Variants in VWA8 observed in about 807,000 individuals in gnomAD.
VWA8 encodes von Willebrand factor A domain-containing protein 8.
VWA8 carries 221 observed loss-of-function variants against 241.5 expected under a neutral mutation model. The observed-to-expected ratio is 0.91, with a 90% CI of 0.82 to 1.02. The LOEUF (loss-of-function observed/expected upper bound fraction) is 1.02. Among genes scored for constraint, VWA8 ranks in the 50% least tolerant of loss-of-function variants. The probability of loss-of-function intolerance (pLI) is 0.00; values close to 1 mark genes in which losing one functional copy is unlikely to be tolerated. For missense variants in VWA8, 2,322 were observed against 2,328.7 expected, an observed-to-expected ratio of 1.00 and a Z score of 0.06; for synonymous variants, 852 against 827.1, an observed-to-expected ratio of 1.03 and a Z score of -0.52.
chr13:41,907,709 G>A lies in VWA8; in HGVS notation c.373-13C>T. 6.2e-7 allele frequency: 1 copy of A among 1,604,364 alleles called. No individual in the cohort carries two copies. ...GTTTGGTCAGCTCCTGTAGAGAAGA[G>A]AATGAAATTATTCCAAAAATAAAAT... On this transcript the variant is annotated splice_polypyrimidine_tract_variant and intron_variant, in intron 3 of 44. Transcript: ENST00000379310.
At chr13:41,620,637 T>C (rs1306911812) in intron 37 of VWA8, among the ~76,000 whole-genome samples, 2 of 152,216 alleles carry the variant, frequency 1.3e-5, no homozygotes, top group African/African-American at 4.8e-5. Flanking sequence ...ACACACTGCT[T>C]TAAATGAAAG....
intron 41 of VWA8, among the ~76,000 whole-genome samples, chr13:41,589,116 A>G (rs2044438332): frequency 6.6e-6 from 1 of 152,106 alleles, no homozygotes; most frequent in Non-Finnish European, 1.5e-5. Flanking sequence ...CTGCACCCCC[A>G]GCTCTCAGTG....
In VWA8 at chr13:41,729,562, T is replaced by C. The variant is rs1322464768; in HGVS notation, c.2618A>G (p.Asp873Gly). 1.2e-6 allele frequency: 2 copies of C among 1,612,066 alleles called. No individual in the cohort carries two copies. The highest frequency in any genetic ancestry group is 1.7e-5 in the Admixed American group (1 of 59,762). The stretch of plus-strand genomic sequence containing the variant: ...CTCACTTGCAACAATGCGTCTTCCA[T>C]CTGCTAGAATCATTTCTCCATTTTC... ...LVENGEMILA[D>G]GRRIVANSAN... is the part of the protein sequence containing the mutation. Residue 873 changes from aspartate (D) to glycine (G), a missense_variant, in exon 23 of 45, where the codon GAT becomes GGT. Asp to Gly is a moderately conservative substitution (Grantham distance 94). Transcript: ENST00000379310.
intron 2 of VWA8, among the ~76,000 whole-genome samples, chr13:41,924,327 T>G (rs1876720180): frequency 6.9e-6 from 1 of 144,770 alleles, no homozygotes; most frequent in South Asian, 2.1e-4. Context: ...TATCTGAACT[T>G]GAAGATAGCT....
chr13:41,931,891 G>C (rs1877141009), intron 2 of VWA8, among the ~76,000 whole-genome samples: 1 of 152,052 alleles, frequency 6.6e-6, no homozygotes, highest in African/African-American at 2.4e-5. Context: ...AATGGCTTCA[G>C]CTTCTGCCTT....
intron 14 of VWA8, among the ~76,000 whole-genome samples, chr13:41,821,417 T>C (rs952561755): frequency 6.6e-6 from 1 of 152,130 alleles, no homozygotes; most frequent in Non-Finnish European, 1.5e-5. Flanking sequence ...TACATACAAA[T>C]AGGTTACATG....
intron 35 of VWA8, among the ~76,000 whole-genome samples, chr13:41,676,510 A>C (rs1214710183): frequency 6.6e-6 from 1 of 152,218 alleles, no homozygotes; most frequent in Non-Finnish European, 1.5e-5. Context: ...TCATGTGTTC[A>C]TAACTGTTAT....
intron 44 of VWA8, among the ~76,000 whole-genome samples, chr13:41,569,810 C>A (rs1354920571): frequency 6.6e-6 from 1 of 152,078 alleles, no homozygotes; most frequent in African/African-American, 2.4e-5. Context: ...TCAGATCATA[C>A]CCACTGGTAT....
chr13:41,758,394 G>GGATA (rs2045711445), intron 21 of VWA8, among the ~76,000 whole-genome samples: 1 of 4,754 alleles, frequency 2.1e-4, no homozygotes, highest in Admixed American at 2.7e-3. Flanking sequence ...ATATATATAC[G>GGATA]CTAGTATATA....
chr13:41,932,637 G>A (rs920463752), intron 2 of VWA8, among the ~76,000 whole-genome samples: 1 of 151,692 alleles, frequency 6.6e-6, no homozygotes, highest in Admixed American at 6.6e-5. Flanking sequence ...GGAATGAGAA[G>A]TTGAAAAGTT....
intron 4 of VWA8, chr13:41,905,162 A>G (rs1875648407): frequency 6.6e-6 from 1 of 152,102 alleles, no homozygotes; most frequent in African/African-American, 2.4e-5. Context: ...AATGATACAA[A>G]GAAGATTAGC....
intron 21 of VWA8, among the ~76,000 whole-genome samples, chr13:41,737,272 A>T (rs1029597722): frequency 1.3e-5 from 2 of 152,254 alleles, no homozygotes; most frequent in East Asian, 3.8e-4. Context: ...AGTTCTTGGT[A>T]TCAAGAACAT....
intron 37 of VWA8, among the ~76,000 whole-genome samples, chr13:41,631,441 T>C (rs1174899825): frequency 1.3e-5 from 2 of 152,084 alleles, no homozygotes; most frequent in Non-Finnish European, 2.9e-5. Context: ...TCAGTTAGTT[T>C]CAGGCCGAGC....
chr13:41,722,111 C>T (rs2045397584), intron 24 of VWA8, among the ~76,000 whole-genome samples: 1 of 152,054 alleles, frequency 6.6e-6, no homozygotes, highest in Non-Finnish European at 1.5e-5. Context: ...CATATAAATG[C>T]TTCTTTATGT....
chr13:41,873,959 A>G (rs1195444941), intron 9 of VWA8, among the ~76,000 whole-genome samples: 4 of 152,232 alleles, frequency 2.6e-5, no homozygotes, highest in South Asian at 4.1e-4. Flanking sequence ...AACCAAATCC[A>G]GCAGCATATC....
intron 35 of VWA8, among the ~76,000 whole-genome samples, chr13:41,681,072 C>T (rs1435958147): frequency 6.6e-6 from 1 of 152,198 alleles, no homozygotes; most frequent in Non-Finnish European, 1.5e-5. Context: ...GAATCCCTAA[C>T]CCTTGATATC....
At chr13:41,860,472 A>C (rs1397277904) in intron 12 of VWA8, among the ~76,000 whole-genome samples, 1 of 152,190 alleles carries the variant, frequency 6.6e-6, no homozygotes, top group African/African-American at 2.4e-5. Context: ...TCTGTGACAG[A>C]AACTAGAAGA....
intron 2 of VWA8, among the ~76,000 whole-genome samples, chr13:41,915,266 C>T (rs1204676371): frequency 6.6e-6 from 1 of 152,176 alleles, no homozygotes; most frequent in South Asian, 2.1e-4. Flanking sequence ...GCATGATGCA[C>T]ATGTACTGAG....
intron 17 of VWA8, among the ~76,000 whole-genome samples, chr13:41,791,578 G>A (rs756823570): frequency 5.9e-5 from 9 of 151,660 alleles, no homozygotes; most frequent in Non-Finnish European, 1.2e-4. Context: ...ATTTTGCTAC[G>A]TAAGTGTGTA....
Sources: gnomAD v4.1 joint callset for allele counts (sites outside exome capture counted in the v4.1 genomes callset) on GRCh38, gnomAD v4.1.1 for gene constraint, MANE v1.5 for transcripts, NCBI Gene and HGNC (gene_info 2026-07-23, HGNC 2026-07-21) for gene names.